EHBP1: variants seen among roughly 807,000 people sequenced by gnomAD.
EHBP1 encodes the protein EH domain binding protein 1.
Under a neutral mutation model 144.0 loss-of-function variants are expected in EHBP1, and 55 were observed. The ratio of observed to expected loss-of-function variants is 0.38; its 90% CI spans 0.31 to 0.48. The LOEUF (loss-of-function observed/expected upper bound fraction) is 0.48, where lower values mean the gene tolerates loss of function less well. Among genes scored for constraint, EHBP1 ranks in the 20% least tolerant of loss-of-function variants. The pLI is 0.98. For missense variants in EHBP1, 1,200 were observed against 1,364.2 expected, an observed-to-expected ratio of 0.88 and a Z score of 1.90; for synonymous variants, 469 against 472.7, an observed-to-expected ratio of 0.99 and a Z score of 0.10.
At chr2:62,801,870 A>G (rs1027571959) in intron 5 of EHBP1, among the ~76,000 whole-genome samples, 3 of 152,202 alleles carry the variant, frequency 2.0e-5, no homozygotes, top group African/African-American at 7.2e-5. Context: ...ATGTGCTGAG[A>G]TTTGTACTAA....
intron 19 of EHBP1, among the ~76,000 whole-genome samples, chr2:63,021,385 G>A (rs889905499): frequency 2.6e-5 from 4 of 152,078 alleles, no homozygotes; most frequent in Non-Finnish European, 5.9e-5. Flanking sequence ...TTTTGTGAAC[G>A]CCATAATTTT....
Position 63,038,810 on chromosome 2 carries a change from A to T in EHBP1, c.3271A>T (p.Ile1091Phe). ...LNRELRAMLA[I>F]EDWQKTEAQK... ...CCGGGAATTGAGGGCAATGCTAGCCATTGAAGGTAAGAAATGCTATGGTGG... is the reference window on the plus strand; with the variant it reads ...CCGGGAATTGAGGGCAATGCTAGCCTTTGAAGGTAAGAAATGCTATGGTGG... The change falls in exon 21 of 23, where the codon ATT becomes TTT. Residue 1091 changes from isoleucine (I) to phenylalanine (F), a missense_variant. This residue lies in a region of EHBP1 where 149 missense variants were observed against 217.0 expected (regional missense o/e 0.69). Transcript: ENST00000431489. 6.2e-7 allele frequency: 1 copy of T among 1,613,216 alleles called. No individual in the cohort carries two copies. Among genetic ancestry groups the T allele is most frequent in the Non-Finnish European group, 8.5e-7 (1 of 1,179,276 alleles).
chr2:62,918,006 C>CT (rs2054778451), intron 10 of EHBP1, among the ~76,000 whole-genome samples: 1 of 151,946 alleles, frequency 6.6e-6, no homozygotes, highest in South Asian at 2.1e-4. Context: ...AAGCAATTCT[C>CT]TTGCCTCAGC....
At chr2:63,020,909 C>T (rs961473655) in intron 19 of EHBP1, among the ~76,000 whole-genome samples, 16 of 150,520 alleles carry the variant, frequency 1.1e-4, no homozygotes, top group African/African-American at 3.4e-4. Context: ...AACTCCTGAT[C>T]TCAGGTGATC....
At chr2:62,799,025 A>AAG (rs2043779343) in intron 5 of EHBP1, among the ~76,000 whole-genome samples, 1 of 149,778 alleles carries the variant, frequency 6.7e-6, no homozygotes, top group Non-Finnish European at 1.5e-5. Flanking sequence ...AAAAAAAAAA[A>AAG]GAAATTCATG....
chr2:62,769,926 C>G (rs953077737), intron 4 of EHBP1, among the ~76,000 whole-genome samples: 1 of 152,052 alleles, frequency 6.6e-6, no homozygotes, highest in African/African-American at 2.4e-5. Context: ...GAGGAAGACT[C>G]CCTATTCAAT....
At chr2:62,816,294 TATTAA>T (rs1189964018) in intron 5 of EHBP1, among the ~76,000 whole-genome samples, 2 of 152,216 alleles carry the variant, frequency 1.3e-5, no homozygotes, top group African/African-American at 4.8e-5. Context: ...ACACTCTTCT[TATTAA>T]ATTATTTTCT....
chr2:62,920,788 G>A (rs1160173719), intron 10 of EHBP1, among the ~76,000 whole-genome samples: 2 of 151,882 alleles, frequency 1.3e-5, no homozygotes, highest in Non-Finnish European at 2.9e-5. Context: ...TCAGCCTTCC[G>A]AGTAGCTGCG....
At chr2:63,038,926 C>A in intron 21 of EHBP1, 110 bp downstream of exon 21, 1 of 972,260 alleles carries the variant, frequency 1.0e-6, no homozygotes, top group Admixed American at 2.2e-5. Context: ...AGGGACCTTC[C>A]GGAATTGCAA....
Position 62,688,076 on chromosome 2 carries a change from T to C in EHBP1, c.-296+13993T>C, listed in dbSNP as rs1367900488. On this transcript the variant is annotated intron_variant, in intron 1 of 22. Coordinates refer to the EHBP1 transcript ENST00000405015. ...CTTTCACAAAAGCAGCAAAGTGATA[T>C]ATCCAGTAGTATATTTTTAAAAATG... Among the ~76,000 whole-genome samples, 5 of 152,296 alleles carry C rather than the reference T, an allele frequency of 3.3e-5. No homozygotes were observed. The East Asian group carries it at 7.7e-4, about 23-fold the overall frequency.
At chr2:62,753,847 G>A (rs2039997277) in intron 3 of EHBP1, among the ~76,000 whole-genome samples, 1 of 152,132 alleles carries the variant, frequency 6.6e-6, no homozygotes, top group African/African-American at 2.4e-5. Context: ...GCTCCATCTG[G>A]TCATTTAAAG....
chr2:62,937,936 G>A (rs1358177971), intron 10 of EHBP1, among the ~76,000 whole-genome samples: 1 of 152,118 alleles, frequency 6.6e-6, no homozygotes, highest in Non-Finnish European at 1.5e-5. Flanking sequence ...TACCGAGGGG[G>A]GATTTGGAAG....
At chr2:62,819,784 A>AC (rs1204277797) in intron 5 of EHBP1, among the ~76,000 whole-genome samples, 1 of 151,568 alleles carries the variant, frequency 6.6e-6, no homozygotes, top group Admixed American at 6.6e-5. Context: ...AAAAAAAAAA[A>AC]CCCGCGACAA....
Position 62,990,789 on chromosome 2 carries a change from C to A in EHBP1, c.2682C>A (p.Pro894=). 1 of 1,613,874 alleles carries A rather than the reference C, an allele frequency of 6.2e-7. No individual in the cohort carries two copies. The highest frequency in any genetic ancestry group is 1.3e-5 in the African/African-American group (1 of 75,034). Residue 894 remains proline, a synonymous_variant, in exon 16 of 23, where the codon CCC becomes CCA. Coordinates refer to ENST00000431489, the MANE Select transcript of EHBP1 (RefSeq NM_001142616.3). The part of the protein sequence containing the change: ...LEVQPQVANS[P]SSAAQKAVTE... ...TTCAGCCACAGGTGGCAAATTCACC[C>A]TCCAGTGCTGCCCAGAAAGCTGTAA...
At chr2:62,841,375 G>A (rs1469943226) in intron 7 of EHBP1, among the ~76,000 whole-genome samples, 1 of 150,980 alleles carries the variant, frequency 6.6e-6, no homozygotes, top group Non-Finnish European at 1.5e-5. Flanking sequence ...AGCATTGGGA[G>A]ATATACCTAA....
intron 10 of EHBP1, among the ~76,000 whole-genome samples, chr2:62,891,760 C>T (rs2052478524): frequency 2.0e-5 from 3 of 151,964 alleles, no homozygotes; most frequent in African/African-American, 7.2e-5. Context: ...ATAGCGAGGC[C>T]GTTTCACTAG....
chr2:62,761,762 T>C lies in EHBP1; in HGVS notation c.163-2504T>C, dbSNP rs374095187. On this transcript the variant is annotated intron_variant, in intron 3 of 22. Transcript: ENST00000431489. ...ATTCTCCCTTCTCTCTTCTGCATCA[T>C]TAGATTTTCCCTCTCAACTGAATAT... Among the ~76,000 whole-genome samples the C allele has an allele frequency of 2.0e-5, 3 of 152,210 alleles. No individual in the cohort carries two copies. In the East Asian group the frequency reaches 5.8e-4, roughly 29 times the overall value.
At chr2:62,894,372 T>G (rs188699521) in intron 10 of EHBP1, among the ~76,000 whole-genome samples, 1 of 152,170 alleles carries the variant, frequency 6.6e-6, no homozygotes, top group East Asian at 1.9e-4. Context: ...CATTAGAGGT[T>G]AGAAATAGGA....
At chr2:63,022,018 G>C (rs1447311233) in intron 19 of EHBP1, among the ~76,000 whole-genome samples, 1 of 151,824 alleles carries the variant, frequency 6.6e-6, no homozygotes, top group East Asian at 1.9e-4. Flanking sequence ...CGCCCACCTC[G>C]GCCTCCCAAA....
Sources: gnomAD v4.1 joint callset for allele counts (sites outside exome capture counted in the v4.1 genomes callset) on GRCh38, gnomAD v4.1.1 for gene constraint, gnomAD v4.1.1 regional missense constraint, MANE v1.5 for transcripts, NCBI Gene and HGNC (gene_info 2026-07-23, HGNC 2026-07-21) for gene names.